ESYT2: variants seen among roughly 807,000 people sequenced by gnomAD.
ESYT2 encodes extended synaptotagmin 2, also known as extended synaptotagmin-2.
In ESYT2, 54 loss-of-function variants were observed where a neutral mutation model predicts 107.2. The ratio of observed to expected loss-of-function variants is 0.50; its 90% CI spans 0.40 to 0.63. The LOEUF is 0.63. Ranked by LOEUF, ESYT2 falls within the 30% of genes least tolerant of loss-of-function variation. The probability of loss-of-function intolerance (pLI) is 0.00; values close to 1 mark genes in which losing one functional copy is unlikely to be tolerated. For missense variants in ESYT2, 1,020 were observed against 1,094.5 expected (o/e 0.93, Z 0.96); for synonymous variants, 491 against 434.1 (o/e 1.13, Z -1.63).
intron 1 of ESYT2, among the ~76,000 whole-genome samples, chr7:158,823,033 C>T (rs574027552): frequency 6.6e-6 from 1 of 151,940 alleles, no homozygotes; most frequent in East Asian, 2.0e-4. Flanking sequence ...TGGCTCACGC[C>T]TGTAATCCTA....
chr7:158,734,543 C>A, intron 21 of ESYT2, 72 bp from the exon 22 acceptor site: 6 of 1,388,578 alleles, frequency 4.3e-6, no homozygotes, highest in Non-Finnish European at 6.0e-6. Context: ...AATCCCAGCA[C>A]TTTGGGAGGC....
chr7:158,773,630 A>G (rs972149214), intron 6 of ESYT2, among the ~76,000 whole-genome samples: 1 of 152,156 alleles, frequency 6.6e-6, no homozygotes, highest in Admixed American at 6.5e-5. Context: ...GAAATAATTT[A>G]TTTACCCACT....
intron 6 of ESYT2, among the ~76,000 whole-genome samples, chr7:158,776,136 G>A (rs1366007163): frequency 1.3e-5 from 2 of 152,194 alleles, no homozygotes; most frequent in African/African-American, 2.4e-5. Flanking sequence ...AAACCAGTGT[G>A]TAAAAAGGTG....
At chr7:158,825,982 T>A (rs1322150349) in intron 1 of ESYT2, among the ~76,000 whole-genome samples, 1 of 149,898 alleles carries the variant, frequency 6.7e-6, no homozygotes, top group Non-Finnish European at 1.5e-5. Flanking sequence ...GCCAAAAGTT[T>A]GAGACCAGCC....
intron 14 of ESYT2, among the ~76,000 whole-genome samples, chr7:158,750,358 G>A (rs1183655561): frequency 6.6e-6 from 1 of 152,120 alleles, no homozygotes; most frequent in African/African-American, 2.4e-5. Flanking sequence ...CACTAGCACA[G>A]ATAGTTGATA....
chr7:158,810,816 A>G (rs1839973892), intron 1 of ESYT2, among the ~76,000 whole-genome samples: 1 of 152,162 alleles, frequency 6.6e-6, no homozygotes, highest in Non-Finnish European at 1.5e-5. Flanking sequence ...CAGGGAGAGC[A>G]GTGGAGGGGT....
At chr7:158,793,607 C>T (rs1839373061) in intron 4 of ESYT2, 43 bp downstream of exon 4, 1 of 1,412,070 alleles carries the variant, frequency 7.1e-7, no homozygotes, top group Non-Finnish European at 1.0e-6. Context: ...AGTGACATTA[C>T]ACGCCATTAA....
chr7:158,781,216 AAC>A (rs1227462816), intron 6 of ESYT2, among the ~76,000 whole-genome samples: 3 of 152,082 alleles, frequency 2.0e-5, no homozygotes, highest in East Asian at 1.9e-4. Context: ...CAAGTGTGAG[AAC>A]AGTGTGAGGT....
At chr7:158,758,367 G>A (rs570433425) in intron 13 of ESYT2, among the ~76,000 whole-genome samples, 34 of 152,304 alleles carry the variant, frequency 2.2e-4, no homozygotes, top group African/African-American at 6.0e-4. Flanking sequence ...CGTGCATATC[G>A]TGAACTATGA....
intron 1 of ESYT2, among the ~76,000 whole-genome samples, chr7:158,801,831 A>T (rs1839656458): frequency 4.9e-5 from 1 of 20,270 alleles, no homozygotes; most frequent in Non-Finnish European, 1.4e-4. Context: ...AGATTCTAAT[A>T]CGCTGCTATT....
At chr7:158,757,729 C>G (rs1837812163) in intron 13 of ESYT2, among the ~76,000 whole-genome samples, 1 of 151,520 alleles carries the variant, frequency 6.6e-6, no homozygotes, top group African/African-American at 2.4e-5. Flanking sequence ...GCCCTTTTAA[C>G]AGAAGATCAA....
chr7:158,770,592 G>A (rs2129472466), intron 7 of ESYT2, among the ~76,000 whole-genome samples: 1 of 151,952 alleles, frequency 6.6e-6, no homozygotes, highest in East Asian at 1.9e-4. Flanking sequence ...TTTGCTCAGT[G>A]CAAGCTCCGC....
At position 158,754,996 on chromosome 7, in the gene ESYT2, G is replaced by A. The variant is rs112662135; in HGVS notation, c.1420-2153C>T. Among the ~76,000 whole-genome samples, 774 of 152,306 alleles carry A rather than the reference G, an allele frequency of 5.1e-3. 4 individuals are homozygous for A. The highest frequency in any genetic ancestry group is 0.018 in the African/African-American group (743 of 41,572). On this transcript the variant is annotated intron_variant, in intron 13 of 22. Transcript: ENST00000275418. Reference sequence around the variant, plus strand: ...CAAAGCTGGCCACCATGAGTCAGAGGAAGTCCTTCTTGTTCAAGCCTGAAA... The same window carrying A: ...CAAAGCTGGCCACCATGAGTCAGAGAAAGTCCTTCTTGTTCAAGCCTGAAA...
At chr7:158,749,270 C>A (rs1837509139) in intron 15 of ESYT2, among the ~76,000 whole-genome samples, 1 of 152,038 alleles carries the variant, frequency 6.6e-6, no homozygotes, top group Non-Finnish European at 1.5e-5. Context: ...CCGCACCCGG[C>A]ACCATGCCCG....
At chr7:158,763,380 C>T (rs1425458035) in intron 9 of ESYT2, among the ~76,000 whole-genome samples, 9 of 151,924 alleles carry the variant, frequency 5.9e-5, no homozygotes, top group South Asian at 2.1e-4. Context: ...CTGCAACCTC[C>T]GCCTCCTGGG....
rs534898970 is a variant in ESYT2, at chr7:158,761,939, T to C, written c.1185-395A>G. 2.6e-5 allele frequency among the ~76,000 whole-genome samples: 4 copies of C among 152,320 alleles called. No homozygotes were observed. In the South Asian group the frequency reaches 8.3e-4, roughly 32 times the overall value. Reference sequence around the variant, plus strand: ...CACGTCCTCTTGGAACGTCTTATTTTATACGTTCACTCACAACTCCAGTAG... The same window carrying C: ...CACGTCCTCTTGGAACGTCTTATTTCATACGTTCACTCACAACTCCAGTAG... On this transcript the variant is annotated intron_variant, in intron 10 of 22. Transcript: ENST00000275418.
At chr7:158,779,494 CATTT>C (rs962115288) in intron 6 of ESYT2, among the ~76,000 whole-genome samples, 4 of 152,184 alleles carry the variant, frequency 2.6e-5, no homozygotes, top group African/African-American at 9.7e-5. Flanking sequence ...CTGAGAAAAT[CATTT>C]ATTCTAGTTT....
intron 1 of ESYT2, among the ~76,000 whole-genome samples, chr7:158,814,372 A>C (rs1273606785): frequency 1.4e-5 from 2 of 141,696 alleles, no homozygotes; most frequent in African/African-American, 5.3e-5. Context: ...ACTCGTCCAG[A>C]TGACTCTCAC....
At chr7:158,797,765 A>C (rs915419049) in intron 3 of ESYT2, among the ~76,000 whole-genome samples, 177 bp downstream of exon 3, 5 of 151,952 alleles carry the variant, frequency 3.3e-5, no homozygotes, top group Non-Finnish European at 7.4e-5. Context: ...GAGGCAGGAG[A>C]ATAGTGTGAA....
Sources: allele counts gnomAD v4.1 joint callset (sites outside exome capture counted in the v4.1 genomes callset), GRCh38; gene constraint gnomAD v4.1.1; transcripts MANE v1.5; gene names NCBI Gene and HGNC (gene_info 2026-07-23, HGNC 2026-07-21).